Variants in SND1 observed in about 807,000 individuals in gnomAD.
The protein encoded by SND1 is staphylococcal nuclease and tudor domain containing 1.
SND1 carries 38 observed loss-of-function variants against 121.7 expected under a neutral mutation model. That is an observed-to-expected ratio of 0.31 (90% CI 0.24 to 0.41). The LOEUF is 0.41. Among genes scored for constraint, SND1 ranks in the 10% least tolerant of loss-of-function variants. The pLI is 1.00. For synonymous variants in SND1, 401 were observed against 447.4 expected, an observed-to-expected ratio of 0.90 and a Z score of 1.31; for missense variants, 868 against 1,184.6, an observed-to-expected ratio of 0.73 and a Z score of 3.92.
rs1365003186 is a variant in SND1, at chr7:127,698,973, C to T, written c.428+20C>T. 1 of 1,595,692 alleles carries T rather than the reference C, an allele frequency of 6.3e-7. No individual in the cohort carries two copies. The highest frequency in any genetic ancestry group is 8.6e-7 in the Non-Finnish European group (1 of 1,163,654). On this transcript the variant is annotated intron_variant, in intron 4 of 23. Transcript: ENST00000354725. Reference sequence around the variant, plus strand: ...TAATAAGTAAGTATTCATTACTCCGCTGTCTCTCTGACAGCGGTAAATTGG... The same window carrying T: ...TAATAAGTAAGTATTCATTACTCCGTTGTCTCTCTGACAGCGGTAAATTGG...
rs558235732 is a variant in SND1 at position 127,805,831 on chromosome 7, T to C, written c.1153-1653T>C. Among the ~76,000 whole-genome samples the C allele has an allele frequency of 2.8e-3, 427 of 152,358 alleles. 2 individuals carry two copies. The highest frequency in any genetic ancestry group is 6.8e-3 in the Admixed American group (104 of 15,304). On this transcript the variant is annotated intron_variant, in intron 10 of 23. Transcript: ENST00000354725. ...AAGGTTCGGCCAGATTGGATAAGCA[T>C]AGAGGATGTGGAATCAATGGTGTAC...
At chr7:127,845,548 A>G (rs995835326) in intron 12 of SND1, among the ~76,000 whole-genome samples, 1 of 152,206 alleles carries the variant, frequency 6.6e-6, no homozygotes, top group Non-Finnish European at 1.5e-5. Flanking sequence ...TCATTATTCT[A>G]TCTGTATAAA....
intron 16 of SND1, chr7:127,997,595 CT>C (rs1802696653): frequency 4.6e-6 from 2 of 439,504 alleles, no homozygotes; most frequent in South Asian, 3.6e-5. Flanking sequence ...ACAAATCTGA[CT>C]GTGTAGGTGC....
chr7:127,671,817 A>G (rs552506859), intron 1 of SND1, among the ~76,000 whole-genome samples: 1 of 152,362 alleles, frequency 6.6e-6, no homozygotes, highest in Admixed American at 6.5e-5. Context: ...AAAGTACATC[A>G]TAGCAGCTTT....
At chr7:127,748,294 G>A (rs181640032) in intron 10 of SND1, among the ~76,000 whole-genome samples, 2 of 152,184 alleles carry the variant, frequency 1.3e-5, no homozygotes, top group African/African-American at 2.4e-5. Context: ...ACCCAGACTG[G>A]GTCTTTCACT....
chr7:127,747,929 G>A (rs187645996), intron 10 of SND1, among the ~76,000 whole-genome samples: 2 of 152,308 alleles, frequency 1.3e-5, no homozygotes, highest in African/African-American at 2.4e-5. Flanking sequence ...GTATGTTTGT[G>A]TATGATGATG....
At chr7:127,855,058 CTT>C (rs1799248875) in intron 12 of SND1, among the ~76,000 whole-genome samples, 1 of 148,948 alleles carries the variant, frequency 6.7e-6, no homozygotes, top group African/African-American at 2.5e-5. Flanking sequence ...AGCAGAAAAA[CTT>C]GGACCACTCG....
chr7:128,086,020 C>A (rs1398528058), intron 20 of SND1, among the ~76,000 whole-genome samples: 1 of 152,210 alleles, frequency 6.6e-6, no homozygotes, highest in Non-Finnish European at 1.5e-5. Context: ...GAGTGTCCAG[C>A]CACACCCACA....
intron 12 of SND1, among the ~76,000 whole-genome samples, chr7:127,868,678 G>T (rs151325364): frequency 6.6e-6 from 1 of 152,156 alleles, no homozygotes; most frequent in Admixed American, 6.5e-5. Flanking sequence ...GACTTAAAAG[G>T]TAAATGTCTT....
intron 10 of SND1, among the ~76,000 whole-genome samples, chr7:127,721,792 T>G (rs972908446): frequency 1.1e-4 from 16 of 152,224 alleles, no homozygotes; most frequent in Non-Finnish European, 2.4e-4. Context: ...TCATTTTGAT[T>G]TGATAGTTCT....
chr7:128,030,482 A>G (rs1377505377), intron 16 of SND1: 1 of 1,613,452 alleles, frequency 6.2e-7, no homozygotes, highest in Non-Finnish European at 8.5e-7. Context: ...TGAACTGGTT[A>G]CTGCACGAGC....
In SND1 at chr7:127,991,004, C is replaced by T; in HGVS notation, c.1727C>T (p.Pro576Leu). The T allele has an allele frequency of 8.1e-6, 13 of 1,614,042 alleles. No homozygotes were observed. The highest frequency in any genetic ancestry group is 9.3e-6 in the Non-Finnish European group (11 of 1,179,952). The stretch of plus-strand genomic sequence containing the variant: ...CCAGGCTTGGTGCAGGAAGGAGAGC[C>T]CTTCAGCGAGGAAGCTACACTTTTC... ...NLPGLVQEGE[P>L]FSEEATLFTK... The change falls in exon 16 of 24, where the codon CCC becomes CTC. Residue 576 changes from proline to leucine, a missense_variant. By Grantham distance (98) the Pro-to-Leu change is moderately conservative. Around this residue, in one of 2 missense-constraint regions of SND1, gnomAD observed 743 missense variants for 1,071.3 expected, o/e 0.69. Transcript: ENST00000354725.
chr7:127,944,952 A>G (rs1801294677), intron 15 of SND1, among the ~76,000 whole-genome samples: 1 of 152,172 alleles, frequency 6.6e-6, no homozygotes, highest in Non-Finnish European at 1.5e-5. Context: ...ATTACACTGC[A>G]AAGAAACAGC....
chr7:127,769,986 A>G (rs1797486028), intron 10 of SND1, among the ~76,000 whole-genome samples: 1 of 152,160 alleles, frequency 6.6e-6, no homozygotes, highest in African/African-American at 2.4e-5. Context: ...TTGAGTTGAC[A>G]CATTCATGTG....
At chr7:127,656,798 A>G (rs1307511101) in intron 1 of SND1, among the ~76,000 whole-genome samples, 1 of 152,082 alleles carries the variant, frequency 6.6e-6, no homozygotes, top group African/African-American at 2.4e-5. Context: ...AACAAACAAA[A>G]CCCACCTTTC....
At chr7:127,939,540 T>C (rs535004476) in intron 15 of SND1, among the ~76,000 whole-genome samples, 1 of 152,114 alleles carries the variant, frequency 6.6e-6, no homozygotes, top group Non-Finnish European at 1.5e-5. Flanking sequence ...ATTAATTATT[T>C]CCGTCAGACT....
chr7:128,075,332 G>C (rs1793489779), intron 17 of SND1, among the ~76,000 whole-genome samples: 1 of 152,218 alleles, frequency 6.6e-6, no homozygotes, highest in African/African-American at 2.4e-5. Context: ...GGATAAATCA[G>C]CTGGCCACCA....
intron 10 of SND1, among the ~76,000 whole-genome samples, chr7:127,759,595 C>T (rs1797264149): frequency 6.6e-6 from 1 of 152,166 alleles, no homozygotes; most frequent in South Asian, 2.1e-4. Flanking sequence ...AAGACCTTGC[C>T]ATCAGATATG....
intron 16 of SND1, among the ~76,000 whole-genome samples, chr7:128,008,820 G>T (rs1441995297): frequency 1.3e-5 from 2 of 152,152 alleles, no homozygotes; most frequent in African/African-American, 2.4e-5. Context: ...TCCAAGTGGG[G>T]GAGGAACAAA....
Sources: allele counts gnomAD v4.1 joint callset (sites outside exome capture counted in the v4.1 genomes callset), GRCh38; gene constraint gnomAD v4.1.1; regional missense constraint gnomAD v4.1.1; transcripts MANE v1.5; gene names NCBI Gene and HGNC (gene_info 2026-07-23, HGNC 2026-07-21).